The following TXNDC11 variants were observed in gnomAD, a reference collection of about 807,000 sequenced individuals.
TXNDC11 encodes thioredoxin domain-containing protein 11.
TXNDC11 carries 68 observed loss-of-function variants against 78.0 expected under a neutral mutation model. The observed-to-expected ratio is 0.87, with a 90% CI of 0.72 to 1.07. TXNDC11 has a LOEUF of 1.07. TXNDC11 is among the 50% of genes least tolerant of loss of function. The probability of loss-of-function intolerance (pLI) is 0.00; values close to 1 mark genes in which losing one functional copy is unlikely to be tolerated. For synonymous variants in TXNDC11, 571 were observed against 495.2 expected, an observed-to-expected ratio of 1.15 and a Z score of -2.03; for missense variants, 1,389 against 1,221.8, an observed-to-expected ratio of 1.14 and a Z score of -2.04.
rs574964364 is a variant in TXNDC11, at chr16:11,687,950, T to C, written c.2060A>G (p.Tyr687Cys). 3.1e-5 allele frequency: 50 copies of C among 1,613,572 alleles called. No homozygotes were observed. The highest frequency in any genetic ancestry group is 4.5e-5 in the East Asian group (2 of 44,866). ...VLQKQDVLLL[Y>C]YAPWCGFCPS... ...ACAGAAGCCGCACCACGGAGCGTAA[T>C]AGAGCAGGAGAACGTCCTGTGGGAA... The change falls in exon 10 of 12, where the codon TAT becomes TGT. Residue 687 changes from tyrosine to cysteine, a missense_variant. By Grantham distance (194) the Tyr-to-Cys change is radical (BLOSUM62 -2). Coordinates refer to ENST00000283033, the MANE Select transcript of TXNDC11 (RefSeq NM_015914.7).
chr16:11,698,195 T>A lies in TXNDC11; in HGVS notation c.1037A>T (p.Lys346Met), dbSNP rs755104420. 1 of 1,614,246 alleles carries A rather than the reference T, an allele frequency of 6.2e-7. No individual in the cohort carries two copies. Among genetic ancestry groups the A allele is most frequent in the South Asian group, 1.1e-5 (1 of 91,086 alleles). ...GKSLLLNNEL[K>M]KGPALFLFIP... is the part of the protein sequence containing the mutation. ...GAACAGAAACAGCGCTGGTCCTTTC[T>A]TCAGCTCGTTATTCAGCAGGAGACT... is the stretch of plus-strand genomic sequence containing the variant. Residue 346 changes from lysine to methionine, a missense_variant, in exon 7 of 12, where the codon AAG (lysine) becomes ATG (methionine). Lys to Met is a moderately conservative substitution (Grantham distance 95). Coordinates refer to ENST00000283033, the MANE Select transcript of TXNDC11 (RefSeq NM_015914.7).
intron 4 of TXNDC11, among the ~76,000 whole-genome samples, chr16:11,725,585 T>G (rs1056782372): frequency 6.6e-6 from 1 of 152,222 alleles, no homozygotes; most frequent in Non-Finnish European, 1.5e-5. Flanking sequence ...AGTCTCCATG[T>G]AGGTAAATCA....
chr16:11,720,417 T>C (rs2051668079), intron 5 of TXNDC11, among the ~76,000 whole-genome samples: 1 of 30,108 alleles, frequency 3.3e-5, no homozygotes, highest in Non-Finnish European at 8.8e-5. Flanking sequence ...GATGTAATAA[T>C]TTTTTTTTTT....
At chr16:11,702,961 A>C (rs1567315365) in intron 5 of TXNDC11, among the ~76,000 whole-genome samples, 1 of 152,168 alleles carries the variant, frequency 6.6e-6, no homozygotes, top group East Asian at 1.9e-4. Flanking sequence ...AATACAGGAC[A>C]AATAAGCCAG....
chr16:11,704,684 C>T (rs1027007574), intron 5 of TXNDC11, among the ~76,000 whole-genome samples: 1 of 152,014 alleles, frequency 6.6e-6, no homozygotes, highest in South Asian at 2.1e-4. Context: ...CAATTTTCTA[C>T]AAAATACCTG....
intron 1 of TXNDC11, among the ~76,000 whole-genome samples, chr16:11,738,988 T>C (rs907342381): frequency 3.3e-5 from 5 of 151,812 alleles, no homozygotes; most frequent in Non-Finnish European, 7.4e-5. Context: ...GATCACGCCA[T>C]TGCACTCCAG....
chr16:11,738,661 GA>G (rs58616825), intron 1 of TXNDC11, among the ~76,000 whole-genome samples: 5,546 of 137,946 alleles, frequency 0.04, 312 homozygotes, highest in African/African-American at 0.13. Context: ...GGCACTACAG[GA>G]AAAAAAAAAA....
rs1037420338 is a variant in TXNDC11 at position 11,689,686 on chromosome 16, C to T, written c.1901-1241G>A. On this transcript the variant is annotated intron_variant, in intron 8 of 11. Transcript: ENST00000283033. ...GTGAACACATTATGAGGTCATTAAA[C>T]ACTTGAGCATTACTGAATGGAATTC... is the stretch of plus-strand genomic sequence containing the variant. 2.6e-5 allele frequency among the ~76,000 whole-genome samples: 4 copies of T among 152,146 alleles called. No individual in the cohort carries two copies. In the South Asian group the frequency reaches 8.3e-4, roughly 31 times the overall value.
chr16:11,719,157 G>A (rs983740644), intron 5 of TXNDC11, among the ~76,000 whole-genome samples: 1 of 152,128 alleles, frequency 6.6e-6, no homozygotes. Context: ...ATGCTTCTAC[G>A]ACCTTGAAAT....
At chr16:11,735,515 T>G (rs1415185398) in intron 2 of TXNDC11, among the ~76,000 whole-genome samples, 1 of 148,900 alleles carries the variant, frequency 6.7e-6, no homozygotes, top group Non-Finnish European at 1.5e-5. Flanking sequence ...TGGGGTCCAC[T>G]GGGCTGAAAA....
intron 11 of TXNDC11, among the ~76,000 whole-genome samples, chr16:11,682,382 A>G (rs1022239733): frequency 6.6e-6 from 1 of 152,250 alleles, no homozygotes; most frequent in Non-Finnish European, 1.5e-5. Context: ...TAGAAACGAC[A>G]AGGGTAAGGG....
intron 11 of TXNDC11, among the ~76,000 whole-genome samples, chr16:11,680,953 G>A (rs1567286436): frequency 6.6e-6 from 1 of 152,112 alleles, no homozygotes; most frequent in Non-Finnish European, 1.5e-5. Context: ...GATCGCTTGA[G>A]GCCAGGAGTT....
At chr16:11,723,183 A>AG in intron 4 of TXNDC11, among the ~76,000 whole-genome samples, 1 of 151,658 alleles carries the variant, frequency 6.6e-6, no homozygotes, top group Non-Finnish European at 1.5e-5. Context: ...CCTTGAACCC[A>AG]GGGGGTGGAG....
intron 3 of TXNDC11, among the ~76,000 whole-genome samples, chr16:11,732,308 C>T (rs182505346): frequency 3.9e-5 from 6 of 152,236 alleles, no homozygotes; most frequent in African/African-American, 1.4e-4. Context: ...TGTCACATCA[C>T]GTTATGTCCA....
At chr16:11,725,488 G>A (rs2051848691) in intron 4 of TXNDC11, among the ~76,000 whole-genome samples, 1 of 152,172 alleles carries the variant, frequency 6.6e-6, no homozygotes, top group African/African-American at 2.4e-5. Context: ...AGATACTGAA[G>A]TTTCAATTCA....
rs554615548 is a variant in TXNDC11, at chr16:11,741,358, A to G, written c.254+1119T>C. On this transcript the variant is annotated intron_variant, in intron 1 of 11. Transcript: ENST00000283033. The stretch of plus-strand genomic sequence containing the variant: ...AGAAGTACACCTGAAATATACAGCA[A>G]ATTTTGTATGTGTGTACATTCCTGA... Among the ~76,000 whole-genome samples, 3 of 152,232 alleles carry G rather than the reference A, an allele frequency of 2.0e-5. No individual in the cohort carries two copies. In the East Asian group the frequency reaches 5.8e-4, roughly 29 times the overall value.
At chr16:11,726,844 T>C (rs1264189579) in intron 4 of TXNDC11, among the ~76,000 whole-genome samples, 1 of 151,968 alleles carries the variant, frequency 6.6e-6, no homozygotes, top group African/African-American at 2.4e-5. Context: ...CACTTGAGGC[T>C]AGGAGTTCAA....
intron 5 of TXNDC11, among the ~76,000 whole-genome samples, chr16:11,704,286 C>T (rs533914500): frequency 5.0e-4 from 76 of 152,204 alleles, no homozygotes; most frequent in African/African-American, 1.8e-3. Flanking sequence ...GTCAGCTCTT[C>T]TTTAAGGGAG....
At chr16:11,711,704 C>T (rs538067346) in intron 5 of TXNDC11, among the ~76,000 whole-genome samples, 1 of 152,290 alleles carries the variant, frequency 6.6e-6, no homozygotes, top group Admixed American at 6.5e-5. Flanking sequence ...ATAACCTATT[C>T]GCAGGTTCTA....
Sources: gnomAD v4.1 joint callset for allele counts (sites outside exome capture counted in the v4.1 genomes callset) on GRCh38, gnomAD v4.1.1 for gene constraint, MANE v1.5 for transcripts, NCBI Gene and HGNC (gene_info 2026-07-23, HGNC 2026-07-21) for gene names.